Variants in SEPTIN9 observed in about 807,000 individuals in gnomAD.
The protein encoded by SEPTIN9 is septin-9.
SEPTIN9 carries 13 observed loss-of-function variants against 56.6 expected under a neutral mutation model. That is an observed-to-expected ratio of 0.23 (90% CI 0.15 to 0.37). The LOEUF (loss-of-function observed/expected upper bound fraction) is 0.37, where lower values mean the gene tolerates loss of function less well. Ranked by LOEUF, SEPTIN9 falls within the 10% of genes least tolerant of loss-of-function variation. SEPTIN9 has a pLI of 1.00. For missense variants in SEPTIN9, 650 were observed against 823.1 expected (o/e 0.79, Z 2.57); for synonymous variants, 332 against 334.1 (o/e 0.99, Z 0.07).
At chr17:77,458,500 C>T (rs112818146) in intron 3 of SEPTIN9, among the ~76,000 whole-genome samples, 5,882 of 152,282 alleles carry the variant, frequency 0.039, 337 homozygotes, top group African/African-American at 0.13. Context: ...TTACGAACCA[C>T]GTGGCCTCAG....
At chr17:77,418,840 C>T (rs924470872) in intron 3 of SEPTIN9, among the ~76,000 whole-genome samples, 3 of 152,258 alleles carry the variant, frequency 2.0e-5, no homozygotes, top group South Asian at 2.1e-4. Context: ...CAGGCTGGAC[C>T]GAGACCCGGT....
At chr17:77,296,401 AC>A (rs761645110) in intron 1 of SEPTIN9, among the ~76,000 whole-genome samples, 1 of 152,204 alleles carries the variant, frequency 6.6e-6, no homozygotes. Context: ...AGACAGGCAG[AC>A]ACAGACAGAC....
rs202186741 is a variant in SEPTIN9, at chr17:77,488,850, C to T, written c.1248C>T (p.Pro416=). The T allele has an allele frequency of 6.3e-4, 1,013 of 1,613,662 alleles. 4 individuals carry two copies. The highest frequency in any genetic ancestry group is 5.1e-3 in the African/African-American group (380 of 75,060). The change falls in exon 7 of 12, where the codon CCC becomes CCT. Residue 416 remains proline, a synonymous_variant. Transcript: ENST00000427177. ...TRVHCCLYFI[P]ATGHSLRPLD... is the part of the protein sequence containing the mutation. ...TCCACTGCTGCCTCTACTTCATCCC[C>T]GCCACCGGCCACTCGTACGTCCCTG...
intron 3 of SEPTIN9, among the ~76,000 whole-genome samples, chr17:77,409,988 G>A (rs2036235973): frequency 6.6e-6 from 1 of 152,190 alleles, no homozygotes; most frequent in Admixed American, 6.5e-5. Flanking sequence ...GAGCTGCAGG[G>A]AGGCGCTTCC....
chr17:77,342,197 G>A (rs1037100010), intron 2 of SEPTIN9, among the ~76,000 whole-genome samples: 2 of 152,196 alleles, frequency 1.3e-5, no homozygotes, highest in Non-Finnish European at 2.9e-5. Flanking sequence ...CAGAGACACA[G>A]TGTTAACATG....
chr17:77,315,188 G>A (rs1045790495), intron 2 of SEPTIN9, among the ~76,000 whole-genome samples: 1 of 152,166 alleles, frequency 6.6e-6, no homozygotes, highest in African/African-American at 2.4e-5. Context: ...GAGTGGAGGG[G>A]GCAACCAGGG....
intron 11 of SEPTIN9, chr17:77,497,662 G>C: frequency 1.9e-6 from 1 of 515,008 alleles, no homozygotes. Context: ...GCCACTAAGG[G>C]CCCAGTGAGG....
At position 77,402,035 on chromosome 17, in the gene SEPTIN9, G is replaced by A. The variant is rs2035917410; in HGVS notation, c.77-24G>A. On this transcript the variant is annotated intron_variant, in intron 2 of 11. Transcript: ENST00000427177. This position sits in a 1 kb window ranked among gnomAD's most constrained non-coding sequence, Gnocchi z 6.6. ...TTCCCTAGCCATCCATTCACCAATTGCATCCCCTCTCTTTATTTTTCAGCC... is the reference window on the plus strand; with the variant it reads ...TTCCCTAGCCATCCATTCACCAATTACATCCCCTCTCTTTATTTTTCAGCC... The A allele has an allele frequency of 1.9e-6, 3 of 1,603,814 alleles. No individual in the cohort carries two copies. Among genetic ancestry groups the A allele is most frequent in the Middle Eastern group, 1.7e-4 (1 of 6,038 alleles).
At chr17:77,406,599 T>G (rs1598323678) in intron 3 of SEPTIN9, among the ~76,000 whole-genome samples, 1 of 152,058 alleles carries the variant, frequency 6.6e-6, no homozygotes, top group African/African-American at 2.4e-5. Context: ...TGTATAGTCT[T>G]CAAAATTCCT....
intron 3 of SEPTIN9, among the ~76,000 whole-genome samples, chr17:77,467,534 G>A (rs909745961): frequency 6.6e-6 from 1 of 151,694 alleles, no homozygotes; most frequent in Non-Finnish European, 1.5e-5. Context: ...CCCTCCCACC[G>A]GGCGCCTCAT....
chr17:77,498,282 ATGTG>A lies in SEPTIN9; in HGVS notation c.1626-237_1626-234del, dbSNP rs2040358279. Among the ~76,000 whole-genome samples, 3 of 152,034 alleles carry A rather than the reference ATGTG, an allele frequency of 2.0e-5. No homozygotes were observed. The South Asian group carries it at 6.2e-4, about 32-fold the overall frequency. Reference sequence around the variant, plus strand: ...CAGAGGGAGACACATGCACTGGAATATGTGTGTTCTGACCGAGTCTGGGCTTACC... The same window carrying A: ...CAGAGGGAGACACATGCACTGGAATATGTTCTGACCGAGTCTGGGCTTACC... On this transcript the variant is annotated intron_variant, in intron 11 of 11. Transcript: ENST00000427177.
chr17:77,458,321 A>G (rs114413586), intron 3 of SEPTIN9, among the ~76,000 whole-genome samples: 4,803 of 152,312 alleles, frequency 0.032, 114 homozygotes, highest in African/African-American at 0.064. Context: ...GTCCACAGCC[A>G]GGACTGTGAT....
rs1346621721 is a variant in SEPTIN9, at chr17:77,369,815, G to A, written c.77-32244G>A. Among the ~76,000 whole-genome samples the A allele has an allele frequency of 6.6e-6, 1 of 152,194 alleles. No homozygotes were observed. Among genetic ancestry groups the A allele is most frequent in the African/African-American group, 2.4e-5 (1 of 41,446 alleles). ...CCTCTCCATGGAGGCTGTGCCTGGA[G>A]GGGGGTCATGGATATGGATGTGTGC... On this transcript the variant is annotated intron_variant, in intron 2 of 11. Transcript: ENST00000427177. This position sits in a 1 kb window ranked among gnomAD's most constrained non-coding sequence, Gnocchi z 4.9.
In SEPTIN9 at chr17:77,451,750, A is replaced by G. The variant is rs533754174; in HGVS notation, c.722-30394A>G. 3.9e-5 allele frequency among the ~76,000 whole-genome samples: 6 copies of G among 152,370 alleles called. No individual in the cohort carries two copies. The South Asian group carries it at 8.3e-4, about 21-fold the overall frequency. On this transcript the variant is annotated intron_variant, in intron 3 of 11. Coordinates refer to ENST00000427177, the MANE Select transcript of SEPTIN9 (RefSeq NM_001113491.2). The surrounding 1 kb of genome is among the most constrained non-coding windows in gnomAD (Gnocchi z 4.2). ...GGGACCAGATTTTCGGCCTCAAAAT[A>G]GAAGAATAGGGCTTTGTGTGGTCAC... is the stretch of plus-strand genomic sequence containing the variant.
rs1013171118 is a variant in SEPTIN9 at position 77,390,673 on chromosome 17, G to A, written c.77-11386G>A. Among the ~76,000 whole-genome samples the A allele has an allele frequency of 1.1e-4, 17 of 152,054 alleles. 1 individual carries two copies. Among genetic ancestry groups the A allele is most frequent in the Admixed American group, 9.2e-4 (14 of 15,290 alleles). On this transcript the variant is annotated intron_variant, in intron 2 of 11. Coordinates refer to ENST00000427177, the MANE Select transcript of SEPTIN9 (RefSeq NM_001113491.2). ...TCACTGTGTTAGCCAGGATGGTCTC[G>A]ATCTCCTGACCTCGTGATCTGCCCG...
intron 1 of SEPTIN9, among the ~76,000 whole-genome samples, chr17:77,306,715 G>A (rs778249453): frequency 7.2e-5 from 11 of 152,222 alleles, no homozygotes; most frequent in Non-Finnish European, 1.6e-4. Context: ...TTCATAAGAC[G>A]GGTGGACATG....
chr17:77,302,328 T>C (rs543260385), intron 1 of SEPTIN9, among the ~76,000 whole-genome samples: 17 of 152,138 alleles, frequency 1.1e-4, no homozygotes, highest in African/African-American at 4.1e-4. Flanking sequence ...ACCTTCATGC[T>C]CTATGTCTTT....
At chr17:77,390,984 CA>C (rs2035521708) in intron 2 of SEPTIN9, among the ~76,000 whole-genome samples, 1 of 152,196 alleles carries the variant, frequency 6.6e-6, no homozygotes, top group African/African-American at 2.4e-5. Context: ...GAGGAGACAA[CA>C]GCAGAAAGCT....
chr17:77,373,430 G>C, intron 2 of SEPTIN9: 1 of 1,411,884 alleles, frequency 7.1e-7, no homozygotes, highest in Non-Finnish European at 9.3e-7. Context: ...CAGCGCGCAG[G>C]GCCCGGGCCC....
Sources: gnomAD v4.1 joint callset for allele counts (sites outside exome capture counted in the v4.1 genomes callset) on GRCh38, gnomAD v4.1.1 for gene constraint, Gnocchi (gnomAD v3.1) non-coding constraint, MANE v1.5 for transcripts, NCBI Gene and HGNC (gene_info 2026-07-23, HGNC 2026-07-21) for gene names.